The following SNX11 variants were observed in gnomAD, a reference collection of about 807,000 sequenced individuals.
SNX11 encodes the protein sorting nexin-11.
SNX11 carries 19 observed loss-of-function variants against 30.7 expected under a neutral mutation model. The observed-to-expected ratio is 0.62, with a 90% CI of 0.43 to 0.91. SNX11 has a LOEUF of 0.91. SNX11 is among the 40% of genes least tolerant of loss of function. The pLI, the probability that SNX11 is intolerant of heterozygous loss-of-function variation, is 0.00. For synonymous variants in SNX11, 112 were observed against 119.0 expected, an observed-to-expected ratio of 0.94 and a Z score of 0.38; for missense variants, 302 against 326.7, an observed-to-expected ratio of 0.92 and a Z score of 0.58.
Position 48,107,782 on chromosome 17 carries a change from C to G in SNX11, c.-70C>G, listed in dbSNP as rs1275766879. Reference sequence around the variant, plus strand: ...CTCACCCGGAAGGAGAAGCCGTGATCTGGCTATATGGTGGGGCGCGGGCGG... The same window carrying G: ...CTCACCCGGAAGGAGAAGCCGTGATGTGGCTATATGGTGGGGCGCGGGCGG... On this transcript the variant is annotated 5_prime_UTR_variant, in exon 1 of 7. It adds an upstream start codon to the 5' untranslated region. Transcript: ENST00000359238. The G allele has an allele frequency of 3.3e-5, 5 of 152,516 alleles. No homozygotes were observed. The East Asian group carries it at 9.6e-4, about 29-fold the overall frequency. The allele number at this position is 152,516 out of a possible 1,614,324, so 9.4% of individuals were successfully genotyped here.
Position 48,121,652 on chromosome 17 carries a change from C to A in SNX11, c.*144C>A. 1 of 762,864 alleles carries A rather than the reference C, an allele frequency of 1.3e-6. No homozygotes were observed. Among genetic ancestry groups the A allele is most frequent in the Non-Finnish European group, 2.1e-6 (1 of 468,150 alleles). The allele number at this position is 762,864 out of a possible 1,614,324, so 47.3% of individuals were successfully genotyped here. A position where few individuals can be genotyped will look rare whatever the true frequency, so the allele number is the denominator to read the frequency against. On this transcript the variant is annotated 3_prime_UTR_variant, in exon 7 of 7. Coordinates refer to ENST00000359238, the MANE Select transcript of SNX11 (RefSeq NM_013323.3). ...TCTGCTTGGGCTGATTGACAGAGGT[C>A]AGTCATTACAGCCCCTTATGCCTCT...
At chr17:48,113,548 GTTTTT>G in intron 4 of SNX11, 147 bp downstream of exon 4, 2 of 428,652 alleles carry the variant, frequency 4.7e-6, no homozygotes, top group Non-Finnish European at 4.2e-6. Flanking sequence ...TGTTTTTTGG[GTTTTT>G]TTTTTTTTTT....
intron 4 of SNX11, among the ~76,000 whole-genome samples, chr17:48,114,897 G>A (rs2063529171): frequency 6.6e-6 from 1 of 150,520 alleles, no homozygotes; most frequent in African/African-American, 2.4e-5. Context: ...GAACTCCTGA[G>A]CTCAGGCAAT....
At chr17:48,112,944 G>A (rs537095673) in intron 3 of SNX11, 141 of 261,824 alleles carry the variant, frequency 5.4e-4, no homozygotes, top group African/African-American at 3.1e-3. Flanking sequence ...CATCATGTTG[G>A]CCAGGCTGGT....
intron 1 of SNX11, among the ~76,000 whole-genome samples, chr17:48,111,650 A>AAG (rs2063493445): frequency 6.6e-6 from 1 of 151,458 alleles, no homozygotes; most frequent in Non-Finnish European, 1.5e-5. Flanking sequence ...TCTGCCTCAA[A>AAG]AAAAAAAAAA....
At chr17:48,117,470 T>C (rs1382717800) in intron 4 of SNX11, among the ~76,000 whole-genome samples, 1 of 151,886 alleles carries the variant, frequency 6.6e-6, no homozygotes, top group Non-Finnish European at 1.5e-5. Context: ...TTAGCCAGGA[T>C]GGTCTCGATT....
At chr17:48,118,544 C>T (rs1453262942) in intron 4 of SNX11, among the ~76,000 whole-genome samples, 160 bp from the exon 5 acceptor site, 1 of 147,890 alleles carries the variant, frequency 6.8e-6, no homozygotes, top group Non-Finnish European at 1.5e-5. Context: ...TACCACTGCA[C>T]TTCAGCCTGG....
intron 4 of SNX11, among the ~76,000 whole-genome samples, chr17:48,115,943 CTTTT>C (rs34017840): frequency 2.3e-5 from 3 of 130,284 alleles, no homozygotes; most frequent in Non-Finnish European, 3.3e-5. Context: ...CTTTTTCTTT[CTTTT>C]TTTTTTTTTT....
intron 4 of SNX11, among the ~76,000 whole-genome samples, chr17:48,118,308 C>T (rs2063565174): frequency 6.6e-6 from 1 of 152,084 alleles, no homozygotes; most frequent in South Asian, 2.1e-4. Flanking sequence ...GGGCCAGGCA[C>T]GGTGGCTCAT....
chr17:48,119,862 G>A (rs1247121461), intron 6 of SNX11, among the ~76,000 whole-genome samples: 2 of 152,102 alleles, frequency 1.3e-5, no homozygotes, highest in Admixed American at 6.6e-5. Context: ...GTCAATTTTA[G>A]AACATTTTCA....
At chr17:48,115,396 T>G (rs1273207073) in intron 4 of SNX11, among the ~76,000 whole-genome samples, 1 of 152,196 alleles carries the variant, frequency 6.6e-6, no homozygotes, top group African/African-American at 2.4e-5. Context: ...TTCAAGTCAG[T>G]GAAAAAAGTA....
Position 48,121,345 on chromosome 17 carries a change from C to G in SNX11, c.650C>G (p.Ser217Cys). 6.2e-7 allele frequency: 1 copy of G among 1,614,158 alleles called. No individual in the cohort carries two copies. The highest frequency in any genetic ancestry group is 8.5e-7 in the Non-Finnish European group (1 of 1,180,040). ...CCAGTTGTTGACTCTGAGGTTCCTT[C>G]CTTGGAAAGTCCCACTCTCCCACCC... is the stretch of plus-strand genomic sequence containing the variant. Reference protein sequence around the residue: ...WAPVVDSEVPSLESPTLPPLS... With the variant: ...WAPVVDSEVPCLESPTLPPLS... Residue 217 changes from serine (S) to cysteine (C), a missense_variant, in exon 7 of 7, where the codon TCC (serine) becomes TGC (cysteine). Physicochemically the swap from Ser to Cys is moderately radical, Grantham distance 112. Coordinates refer to ENST00000359238, the MANE Select transcript of SNX11 (RefSeq NM_013323.3).
chr17:48,112,522 C>A, intron 2 of SNX11, 52 bp from the exon 3 acceptor site: 2 of 1,230,032 alleles, frequency 1.6e-6, no homozygotes, highest in South Asian at 2.5e-5. Flanking sequence ...CCTGTGTTGT[C>A]AGAGCTGCCT....
chr17:48,112,055 G>T lies in SNX11; in HGVS notation c.12G>T (p.Trp4Cys). 6.2e-7 allele frequency: 1 copy of T among 1,613,710 alleles called. No homozygotes were observed. The highest frequency in any genetic ancestry group is 8.5e-7 in the Non-Finnish European group (1 of 1,179,656). The change falls in exon 2 of 7, where the codon TGG becomes TGT. Residue 4 changes from tryptophan to cysteine, a missense_variant. Transcript: ENST00000359238. ...GATGTTTCCTTCCAATGGGCTTTTG[G>T]TGTAGGATGTCGGAGAACCAAGAAC... Reference protein sequence around the residue: MGFWCRMSENQEQE... With the variant: MGFCCRMSENQEQE...
In SNX11 at chr17:48,113,375, GC is replaced by G. The variant is rs777181961; in HGVS notation, c.205del (p.Gln69SerfsTer67). 1 of 1,613,642 alleles carries G rather than the reference GC, an allele frequency of 6.2e-7. No homozygotes were observed. Among genetic ancestry groups the G allele is most frequent in the Non-Finnish European group, 8.5e-7 (1 of 1,179,716 alleles). On this transcript the variant is annotated frameshift_variant, in exon 4 of 7. Coordinates refer to ENST00000359238, the MANE Select transcript of SNX11 (RefSeq NM_013323.3). LOFTEE classifies it high-confidence loss of function. ...ACCGTGAGTTCGTGTGGCTGAGAAA[GC>G]AGCTACAGAGAAATGCTGGTTTGGT... ...RYREFVWLRK[Q>X]LQRNAGLVPV...
intron 4 of SNX11, chr17:48,113,688 G>T: frequency 3.0e-6 from 1 of 337,114 alleles, no homozygotes; most frequent in South Asian, 2.5e-5. Flanking sequence ...TGGGACTACA[G>T]GTGCATGCCA....
At chr17:48,115,739 G>A (rs2063538995) in intron 4 of SNX11, among the ~76,000 whole-genome samples, 1 of 152,176 alleles carries the variant, frequency 6.6e-6, no homozygotes, top group Admixed American at 6.6e-5. Context: ...TTACAACAGT[G>A]ATTTTGCTGT....
In SNX11 at chr17:48,121,414, G is replaced by A. The variant is rs2063601835; in HGVS notation, c.719G>A (p.Gly240Glu). ...LCCDFGRPKE[G>E]TSTLQSVRRA... ...TGTGATTTTGGAAGACCCAAAGAGG[G>A]AACCTCCACTCTTCAGTCTGTGAGG... The change falls in exon 7 of 7, where the codon GGA becomes GAA. Residue 240 changes from glycine to glutamate, a missense_variant. Physicochemically the swap from Gly to Glu is moderately conservative, Grantham distance 98. Transcript: ENST00000359238. The A allele has an allele frequency of 3.1e-6, 5 of 1,614,086 alleles. No individual in the cohort carries two copies. The highest frequency in any genetic ancestry group is 1.3e-5 in the African/African-American group (1 of 74,934).
At position 48,107,836 on chromosome 17, in the gene SNX11, C is replaced by G. The variant is rs1188574816; in HGVS notation, c.-16C>G. On this transcript the variant is annotated splice_region_variant and 5_prime_UTR_variant, in exon 1 of 7. It introduces an in-frame stop codon into an upstream open reading frame of the 5' UTR. Transcript: ENST00000359238. ...CGCTGTGGGGAGCTGGTGCTGTTCT[C>G]AGGTGAGAGGGCGTGGGCGGGGCCT... 6.5e-6 allele frequency: 1 copy of G among 152,804 alleles called. No individual in the cohort carries two copies. Among genetic ancestry groups the G allele is most frequent in the African/African-American group, 2.4e-5 (1 of 41,446 alleles). 9.5% of individuals were successfully genotyped at this position (152,804 alleles called of 1,614,324 possible). A position where few individuals can be genotyped will look rare whatever the true frequency, so the allele number is the denominator to read the frequency against.
Sources: allele counts gnomAD v4.1 joint callset (sites outside exome capture counted in the v4.1 genomes callset), GRCh38; gene constraint gnomAD v4.1.1; transcripts MANE v1.5; gene names NCBI Gene and HGNC (gene_info 2026-07-23, HGNC 2026-07-21).